PRR16: variants seen among roughly 807,000 people sequenced by gnomAD.
PRR16 encodes the protein protein Largen.
In PRR16, 6 loss-of-function variants were observed where a neutral mutation model predicts 18.2. The ratio of observed to expected loss-of-function variants is 0.33; its 90% CI spans 0.18 to 0.65. The LOEUF (loss-of-function observed/expected upper bound fraction) is 0.65, where lower values mean the gene tolerates loss of function less well. Among genes scored for constraint, PRR16 ranks in the 30% least tolerant of loss-of-function variants. The pLI is 0.74. For missense variants in PRR16, 412 were observed against 376.6 expected (o/e 1.09, Z -0.78); for synonymous variants, 151 against 147.8 (o/e 1.02, Z -0.16).
chr5:120,609,326 G>C (rs1350175005), intron 1 of PRR16, among the ~76,000 whole-genome samples: 2 of 151,514 alleles, frequency 1.3e-5, no homozygotes, highest in South Asian at 2.1e-4. Context: ...TATCACCCCA[G>C]ACAAAAACTC....
At chr5:120,484,809 T>C (rs1749739474) in intron 1 of PRR16, among the ~76,000 whole-genome samples, 2 of 150,974 alleles carry the variant, frequency 1.3e-5, no homozygotes, top group African/African-American at 2.4e-5. Context: ...TTTTTTCTTA[T>C]TTTCTTTCCT....
intron 1 of PRR16, among the ~76,000 whole-genome samples, chr5:120,621,433 A>G (rs911811600): frequency 2.6e-5 from 4 of 152,046 alleles, no homozygotes; most frequent in African/African-American, 9.7e-5. Context: ...GCCAGAGCTA[A>G]TCTCGTCTCA....
chr5:120,615,868 C>G (rs929461161), intron 1 of PRR16, among the ~76,000 whole-genome samples: 1 of 152,098 alleles, frequency 6.6e-6, no homozygotes, highest in Non-Finnish European at 1.5e-5. Flanking sequence ...AGCACATACT[C>G]AGTTCCCAGT....
At chr5:120,773,746 G>T in the PRR16 span, among the ~76,000 whole-genome samples, 1 of 152,068 alleles carries the variant, frequency 6.6e-6, no homozygotes, top group Non-Finnish European at 1.5e-5. Flanking sequence ...GATATTATTA[G>T]AAGACAAGTA....
At chr5:120,564,736 C>T (rs1752681673) in intron 1 of PRR16, among the ~76,000 whole-genome samples, 1 of 152,096 alleles carries the variant, frequency 6.6e-6, no homozygotes, top group African/African-American at 2.4e-5. Context: ...CCTGTAATCC[C>T]AGCCCTCTGG....
the PRR16 span, among the ~76,000 whole-genome samples, chr5:120,724,270 G>A: frequency 6.6e-6 from 1 of 151,996 alleles, no homozygotes; most frequent in East Asian, 1.9e-4. Flanking sequence ...TCTTTCCACA[G>A]AATTGTGATT....
chr5:120,785,587 T>TTTTTTTTTTTTTTTTTTTG, the PRR16 span, among the ~76,000 whole-genome samples: 2 of 142,828 alleles, frequency 1.4e-5, 1 homozygote, highest in Non-Finnish European at 3.1e-5. Flanking sequence ...TTTTTTTTTT[T>TTTTTTTTTTTTTTTTTTTG]TTTGAGACAG....
chr5:120,484,667 T>C (rs6865123), intron 1 of PRR16, among the ~76,000 whole-genome samples: 7 of 146,510 alleles, frequency 4.8e-5, no homozygotes, highest in Non-Finnish European at 7.5e-5. Context: ...ATATATATAT[T>C]TTATTCCTAA....
the PRR16 span, among the ~76,000 whole-genome samples, chr5:120,775,394 A>G: frequency 1.3e-5 from 2 of 151,846 alleles, no homozygotes; most frequent in African/African-American, 2.4e-5. Context: ...TTCAACTTCA[A>G]TTATTTTTCA....
At chr5:120,570,807 A>G (rs1179459433) in intron 1 of PRR16, among the ~76,000 whole-genome samples, 3 of 152,190 alleles carry the variant, frequency 2.0e-5, no homozygotes, top group African/African-American at 7.2e-5. Flanking sequence ...TATAAACATG[A>G]TAGACTTTCT....
At chr5:120,573,374 C>T (rs1049340119) in intron 1 of PRR16, among the ~76,000 whole-genome samples, 4 of 152,138 alleles carry the variant, frequency 2.6e-5, no homozygotes, top group African/African-American at 7.2e-5. Flanking sequence ...ATGAGGAAAA[C>T]AAATGAACTT....
At chr5:120,771,032 AT>A in the PRR16 span, among the ~76,000 whole-genome samples, 39,786 of 149,782 alleles carry the variant, frequency 0.27, 5,565 homozygotes, top group Non-Finnish European at 0.3. Flanking sequence ...GAATTCTTTA[AT>A]TTTTAAGATA....
At chr5:120,592,972 T>C (rs987507671) in intron 1 of PRR16, among the ~76,000 whole-genome samples, 2 of 152,014 alleles carry the variant, frequency 1.3e-5, no homozygotes, top group African/African-American at 4.8e-5. Flanking sequence ...ACTTAAGAAA[T>C]AACTTTGTTA....
At chr5:120,597,851 A>C (rs531769893) in intron 1 of PRR16, among the ~76,000 whole-genome samples, 125 of 151,982 alleles carry the variant, frequency 8.2e-4, no homozygotes, top group African/African-American at 2.9e-3. Context: ...TTTGAAATGT[A>C]AGATCAACTT....
the PRR16 span, among the ~76,000 whole-genome samples, chr5:120,775,257 CAGTTA>C: frequency 6.6e-6 from 1 of 152,114 alleles, no homozygotes; most frequent in African/African-American, 2.4e-5. Flanking sequence ...ATATACTATA[CAGTTA>C]AGTAGGTATT....
intron 1 of PRR16, among the ~76,000 whole-genome samples, chr5:120,605,074 C>A (rs1415490279): frequency 6.6e-6 from 1 of 152,088 alleles, no homozygotes; most frequent in Non-Finnish European, 1.5e-5. Flanking sequence ...CCTGAATTTG[C>A]ACGTCAGCCT....
At chr5:120,604,831 C>T (rs116247549) in intron 1 of PRR16, among the ~76,000 whole-genome samples, 1 of 152,096 alleles carries the variant, frequency 6.6e-6, no homozygotes, top group Non-Finnish European at 1.5e-5. Context: ...TGTTGGAATG[C>T]TTTTTGTTAA....
chr5:120,472,662 C>G lies in PRR16; in HGVS notation c.159+8017C>G, dbSNP rs558581686. Reference sequence around the variant, plus strand: ...TCCATAATTTTCAGAATTAAAAGTCCTGGCCCTACAAAAAGAAAAAAAAGA... The same window carrying G: ...TCCATAATTTTCAGAATTAAAAGTCGTGGCCCTACAAAAAGAAAAAAAAGA... On this transcript the variant is annotated intron_variant, in intron 1 of 1. Transcript: ENST00000407149. Among the ~76,000 whole-genome samples, 90 of 152,020 alleles carry G rather than the reference C, an allele frequency of 5.9e-4. 1 individual carries two copies. The highest frequency in any genetic ancestry group is 2.0e-3 in the African/African-American group (82 of 41,468).
the PRR16 span, among the ~76,000 whole-genome samples, chr5:120,784,577 G>T: frequency 1.3e-5 from 2 of 152,072 alleles, no homozygotes; most frequent in African/African-American, 4.8e-5. Context: ...ACCAGAATAT[G>T]TAAGAAACTC....
Sources: gnomAD v4.1 joint callset for allele counts (sites outside exome capture counted in the v4.1 genomes callset) on GRCh38, gnomAD v4.1.1 for gene constraint, MANE v1.5 for transcripts, NCBI Gene and HGNC (gene_info 2026-07-23, HGNC 2026-07-21) for gene names.